The following KAZN variants were observed in gnomAD, a reference collection of about 807,000 sequenced individuals.
KAZN encodes kazrin.
KAZN carries 40 observed loss-of-function variants against 87.4 expected under a neutral mutation model. That is an observed-to-expected ratio of 0.46 (90% CI 0.36 to 0.60). The LOEUF is 0.60. Among genes scored for constraint, KAZN ranks in the 20% least tolerant of loss-of-function variants. The probability of loss-of-function intolerance (pLI) is 0.00; values close to 1 mark genes in which losing one functional copy is unlikely to be tolerated. For synonymous variants in KAZN, 466 were observed against 458.3 expected (o/e 1.02, Z -0.22); for missense variants, 898 against 1,073.9 (o/e 0.84, Z 2.29).
chr1:14,234,336 T>A (rs2100552209), intron 2 of KAZN, among the ~76,000 whole-genome samples: 1 of 147,386 alleles, frequency 6.8e-6, no homozygotes, highest in South Asian at 2.2e-4. Flanking sequence ...TTCTCACTCA[T>A]AAGTGGGAGT....
chr1:14,699,394 CTG>C (rs926256376), intron 1 of KAZN, among the ~76,000 whole-genome samples: 92 of 152,336 alleles, frequency 6.0e-4, no homozygotes, highest in African/African-American at 2.0e-3. Context: ...TAGTGATACT[CTG>C]TGTTCATTTC....
chr1:13,944,252 G>T (rs1024640300), intron 1 of KAZN, among the ~76,000 whole-genome samples: 1 of 152,186 alleles, frequency 6.6e-6, no homozygotes, highest in African/African-American at 2.4e-5. Flanking sequence ...AGCACGCGAC[G>T]TGAAAGAAGC....
chr1:14,598,506 G>T (rs1357172892), upstream of KAZN, among the ~76,000 whole-genome samples: 2 of 152,066 alleles, frequency 1.3e-5, no homozygotes, highest in African/African-American at 4.8e-5. The surrounding 1 kb of genome is among the most constrained non-coding windows in gnomAD (Gnocchi z 4.2). Context: ...CTCGCCAGGG[G>T]CGCCACCTTG....
chr1:14,710,006 G>A (rs568092626), intron 1 of KAZN, among the ~76,000 whole-genome samples: 4 of 152,236 alleles, frequency 2.6e-5, no homozygotes, highest in South Asian at 4.1e-4. Context: ...CTGAGATCAC[G>A]TGTCATACGC....
At chr1:14,587,243 C>A (rs536223828) in intron 2 of KAZN, among the ~76,000 whole-genome samples, 1 of 152,090 alleles carries the variant, frequency 6.6e-6, no homozygotes, top group African/African-American at 2.4e-5. Context: ...CGAGACCTGC[C>A]TGACCAACAT....
At chr1:14,480,840 A>T (rs973978640) in intron 2 of KAZN, among the ~76,000 whole-genome samples, 2 of 147,142 alleles carry the variant, frequency 1.4e-5, no homozygotes, top group Non-Finnish European at 3.0e-5. Context: ...GGAAACAAGG[A>T]ACAGATTCTC....
chr1:14,781,536 G>A (rs1645349905), intron 1 of KAZN, among the ~76,000 whole-genome samples: 1 of 152,144 alleles, frequency 6.6e-6, no homozygotes. Flanking sequence ...CTGGAATTTG[G>A]CCTAATTTAT....
chr1:14,414,613 CGTGT>C (rs35972093), intron 2 of KAZN, among the ~76,000 whole-genome samples: 18 of 150,916 alleles, frequency 1.2e-4, no homozygotes, highest in African/African-American at 1.5e-4. Context: ...ATGCACATAC[CGTGT>C]GTGTGTGTGT....
chr1:14,258,584 C>T (rs773242684), intron 2 of KAZN, among the ~76,000 whole-genome samples: 5 of 152,078 alleles, frequency 3.3e-5, no homozygotes, highest in African/African-American at 4.8e-5. Flanking sequence ...TTTTGCTATT[C>T]GTTTAATCTA....
At chr1:15,065,535 C>T in intron 7 of KAZN, 95 bp from the exon 8 acceptor site, 1 of 1,121,414 alleles carries the variant, frequency 8.9e-7, no homozygotes, top group Non-Finnish European at 1.3e-6. Flanking sequence ...GAGGCCTTCC[C>T]CACCCCGGAT....
At chr1:14,337,094 C>T (rs958953178) in intron 2 of KAZN, among the ~76,000 whole-genome samples, 4 of 152,236 alleles carry the variant, frequency 2.6e-5, no homozygotes, top group Admixed American at 1.3e-4. Context: ...TTAGCAGCTT[C>T]ACTGGTTGTT....
rs745755294 is a variant in KAZN at position 15,114,615 on chromosome 1, C to T, written c.2308C>T (p.Leu770=). ...GTGCCGTCTGGAAGGCTACAACAGC[C>T]TGGAGGTCACCAACGTGTAAGGAAC... The part of the protein sequence containing the change: ...EQCRLEGYNS[L]EVTNV Residue 770 remains leucine (L), a synonymous_variant, in exon 15 of 15, where the codon CTG becomes TTG. Coordinates refer to ENST00000376030, the MANE Select transcript of KAZN (RefSeq NM_201628.3). 2.5e-6 allele frequency: 4 copies of T among 1,590,668 alleles called. No individual in the cohort carries two copies. The East Asian group carries it at 9.1e-5, about 36-fold the overall frequency.
intron 2 of KAZN, among the ~76,000 whole-genome samples, chr1:14,544,261 T>A (rs1036787486): frequency 6.6e-6 from 1 of 151,432 alleles, no homozygotes; most frequent in Non-Finnish European, 1.5e-5. Context: ...TCTCAAGGGA[T>A]CTCAAATTCT....
intron 1 of KAZN, among the ~76,000 whole-genome samples, chr1:14,807,598 G>A (rs575642768): frequency 5.7e-4 from 86 of 152,178 alleles, no homozygotes; most frequent in Middle Eastern, 3.4e-3. Context: ...GTGAGACTCT[G>A]TCTCTACAAG....
At chr1:14,993,789 C>T (rs7525238) in intron 2 of KAZN, among the ~76,000 whole-genome samples, 91,935 of 152,040 alleles carry the variant, frequency 0.6, 30,596 homozygotes, top group African/African-American at 0.9. Context: ...CAAGCCCACA[C>T]GTAAGTAATT....
intron 2 of KAZN, among the ~76,000 whole-genome samples, chr1:14,522,933 C>A (rs1460257053): frequency 6.6e-6 from 1 of 152,182 alleles, no homozygotes; most frequent in Non-Finnish European, 1.5e-5. Context: ...CCCCTGTTCC[C>A]ACCCAGAGGG....
chr1:15,020,438 C>T (rs1294572702), intron 2 of KAZN, among the ~76,000 whole-genome samples: 1 of 152,188 alleles, frequency 6.6e-6, no homozygotes, highest in Non-Finnish European at 1.5e-5. Flanking sequence ...TTGCCACTAT[C>T]CCCCTCCGAA....
intron 2 of KAZN, among the ~76,000 whole-genome samples, chr1:14,489,536 G>A (rs1571776634): frequency 6.6e-6 from 1 of 151,958 alleles, no homozygotes; most frequent in South Asian, 2.1e-4. Flanking sequence ...GAGTTCAAGA[G>A]CAGCCTGGCC....
chr1:14,770,100 T>TG (rs1644982597), intron 1 of KAZN, among the ~76,000 whole-genome samples: 1 of 151,628 alleles, frequency 6.6e-6, no homozygotes, highest in African/African-American at 2.4e-5. Flanking sequence ...AAAGAGTGGA[T>TG]GGGTCAAGCT....
Sources: allele counts gnomAD v4.1 joint callset (sites outside exome capture counted in the v4.1 genomes callset), GRCh38; gene constraint gnomAD v4.1.1; non-coding constraint Gnocchi (gnomAD v3.1); transcripts MANE v1.5; gene names NCBI Gene and HGNC (gene_info 2026-07-23, HGNC 2026-07-21).